Variants in AFF4 observed in about 807,000 individuals in gnomAD.
The protein encoded by AFF4 is AF4/FMR2 family member 4.
In AFF4, 13 loss-of-function variants were observed where a neutral mutation model predicts 124.8. The ratio of observed to expected loss-of-function variants is 0.10; its 90% CI spans 0.07 to 0.17. The LOEUF is 0.17. Ranked by LOEUF, AFF4 falls within the 10% of genes least tolerant of loss-of-function variation. AFF4 has a pLI of 1.00. For missense variants in AFF4, 1,092 were observed against 1,403.8 expected (o/e 0.78, Z 3.55); for synonymous variants, 477 against 496.1 (o/e 0.96, Z 0.51).
chr5:132,920,771 T>G (rs34693660), intron 5 of AFF4, among the ~76,000 whole-genome samples: 1,884 of 152,164 alleles, frequency 0.012, 17 homozygotes, highest in Non-Finnish European at 0.02. Flanking sequence ...AATGAAAAGG[T>G]AGTCCACAGA....
At chr5:132,916,238 C>CAAAAAA (rs70974061) in intron 5 of AFF4, among the ~76,000 whole-genome samples, 1 of 50,684 alleles carries the variant, frequency 2.0e-5, no homozygotes. Flanking sequence ...GATGCTGTCT[C>CAAAAAA]AAAAAAAAAA....
At chr5:132,945,738 C>G (rs1307063622) in intron 1 of AFF4, among the ~76,000 whole-genome samples, 1 of 151,788 alleles carries the variant, frequency 6.6e-6, no homozygotes, top group African/African-American at 2.4e-5. Context: ...GCCTGGGCGA[C>G]AGAACAAGAC....
chr5:132,955,273 GA>G (rs755596753), intron 1 of AFF4, among the ~76,000 whole-genome samples: 8 of 151,942 alleles, frequency 5.3e-5, no homozygotes, highest in Non-Finnish European at 1.2e-4. Context: ...AGTGGTTATG[GA>G]AAAGGAAACA....
At chr5:132,895,584 A>G (rs1487120132) in intron 11 of AFF4, among the ~76,000 whole-genome samples, 2 of 152,206 alleles carry the variant, frequency 1.3e-5, no homozygotes, top group Non-Finnish European at 2.9e-5. Context: ...GTATTCTTTG[A>G]TATAGACTAC....
intron 5 of AFF4, among the ~76,000 whole-genome samples, chr5:132,910,446 G>C (rs1348356395): frequency 6.6e-6 from 1 of 152,142 alleles, no homozygotes; most frequent in East Asian, 1.9e-4. Flanking sequence ...GTCACCTCCT[G>C]TAGGATGCTA....
chr5:132,913,952 A>G (rs1190355897), intron 5 of AFF4, among the ~76,000 whole-genome samples: 1 of 152,164 alleles, frequency 6.6e-6, no homozygotes, highest in Non-Finnish European at 1.5e-5. Context: ...ATTAGGCCAG[A>G]CACGGAGGCT....
At chr5:132,931,714 G>C (rs1761304033) in intron 4 of AFF4, among the ~76,000 whole-genome samples, 1 of 152,210 alleles carries the variant, frequency 6.6e-6, no homozygotes, top group African/African-American at 2.4e-5. Flanking sequence ...CCAGCACTCT[G>C]GGAGGCCGAA....
In AFF4 at chr5:132,880,660, A is replaced by G. The variant is rs1209918556; in HGVS notation, c.*399T>C. ...GTATATAAATAAAAATGTCTACATTAAATTTATGCTAAATATTCAACAGAG... is the reference window on the plus strand; with the variant it reads ...GTATATAAATAAAAATGTCTACATTGAATTTATGCTAAATATTCAACAGAG... On this transcript the variant is annotated 3_prime_UTR_variant, in exon 21 of 21. Coordinates refer to ENST00000265343, the MANE Select transcript of AFF4 (RefSeq NM_014423.4). 6.4e-6 allele frequency: 2 copies of G among 311,164 alleles called. No individual in the cohort carries two copies. Among genetic ancestry groups the G allele is most frequent in the African/African-American group, 4.2e-5 (2 of 47,258 alleles). 19.3% of individuals were successfully genotyped at this position (311,164 alleles called of 1,614,324 possible).
chr5:132,905,654 CAAAA>C (rs1245030649), intron 5 of AFF4, among the ~76,000 whole-genome samples: 1 of 151,710 alleles, frequency 6.6e-6, no homozygotes, highest in East Asian at 1.9e-4. Context: ...ATATTAAAAA[CAAAA>C]CAAAACAAAA....
At chr5:132,940,101 G>A (rs1761531876) in intron 1 of AFF4, among the ~76,000 whole-genome samples, 1 of 152,200 alleles carries the variant, frequency 6.6e-6, no homozygotes, top group South Asian at 2.1e-4. Flanking sequence ...TCAGGAGGCT[G>A]AGGCAGGAGA....
At chr5:132,942,016 A>AG (rs1355903987) in intron 1 of AFF4, among the ~76,000 whole-genome samples, 2 of 151,952 alleles carry the variant, frequency 1.3e-5, no homozygotes, top group African/African-American at 4.8e-5. Flanking sequence ...CAAAAAAAAA[A>AG]AAAAAAAGTA....
intron 1 of AFF4, among the ~76,000 whole-genome samples, chr5:132,940,640 T>C (rs758731345): frequency 5.9e-5 from 9 of 152,230 alleles, no homozygotes; most frequent in Non-Finnish European, 1.2e-4. Context: ...CTTTCTGTAA[T>C]TCAATGTCAA....
At chr5:132,900,984 C>A (rs1343870482) in intron 7 of AFF4, 3 of 985,242 alleles carry the variant, frequency 3.0e-6, no homozygotes, top group Non-Finnish European at 3.6e-6. Context: ...CTATATCTGA[C>A]CCTAAGTTCA....
chr5:132,962,613 A>G (rs1439416915), intron 1 of AFF4, among the ~76,000 whole-genome samples: 1 of 152,090 alleles, frequency 6.6e-6, no homozygotes, highest in Non-Finnish European at 1.5e-5. Flanking sequence ...ACTGACGTCA[A>G]TTACGAGATT....
intron 1 of AFF4, among the ~76,000 whole-genome samples, chr5:132,960,107 G>A (rs1420375989): frequency 6.6e-6 from 1 of 152,146 alleles, no homozygotes; most frequent in Admixed American, 6.6e-5. Context: ...TAACAGGTCA[G>A]GTTAGCTTTA....
intron 18 of AFF4, among the ~76,000 whole-genome samples, 179 bp downstream of exon 18, chr5:132,886,131 A>G (rs988925566): frequency 7.2e-5 from 11 of 152,230 alleles, no homozygotes; most frequent in African/African-American, 2.7e-4. Context: ...TAAGAGTTCT[A>G]CAATCAGATA....
intron 7 of AFF4, chr5:132,900,827 C>G: frequency 3.1e-6 from 3 of 964,724 alleles, no homozygotes; most frequent in Non-Finnish European, 3.7e-6. Flanking sequence ...GGGAGAACTA[C>G]AACTAGGAAA....
Position 132,896,421 on chromosome 5 carries a change from G to T in AFF4, c.2209C>A (p.Pro737Thr), listed in dbSNP as rs778004859. The T allele has an allele frequency of 6.2e-7, 1 of 1,614,010 alleles. No homozygotes were observed. Among genetic ancestry groups the T allele is most frequent in the Non-Finnish European group, 8.5e-7 (1 of 1,180,026 alleles). Residue 737 changes from proline to threonine, a missense_variant, in exon 11 of 21, where the codon CCC becomes ACC. Pro to Thr is a conservative substitution (Grantham distance 38). Transcript: ENST00000265343. ...PGKPYKETEPPKGEKKNVPEK... is the reference protein window; with the variant it reads ...PGKPYKETEPTKGEKKNVPEK... ...GGCACATTTTTCTTTTCCCCCTTGG[G>T]CGGCTCTGTTTCTTTGTAAGGCTTT...
Position 132,896,561 on chromosome 5 carries a change from T to G in AFF4, c.2069A>C (p.Gln690Pro), listed in dbSNP as rs1472276974. The G allele has an allele frequency of 6.2e-7, 1 of 1,613,884 alleles. No individual in the cohort carries two copies. The highest frequency in any genetic ancestry group is 1.7e-5 in the Admixed American group (1 of 59,996). ...CTCTTCCATAGGAGAGAACATTCGT[T>G]GCCGAAAAAAGCTATCTTCTTCCTC... ...SVEEEDSFFR[Q>P]RMFSPMEEKE... Residue 690 changes from glutamine to proline, a missense_variant, in exon 11 of 21, where the codon CAA (glutamine) becomes CCA (proline). Transcript: ENST00000265343.
Sources: allele counts gnomAD v4.1 joint callset (sites outside exome capture counted in the v4.1 genomes callset), GRCh38; gene constraint gnomAD v4.1.1; transcripts MANE v1.5; gene names NCBI Gene and HGNC (gene_info 2026-07-23, HGNC 2026-07-21).